Variants in LLGL2 observed in about 807,000 individuals in gnomAD.
LLGL2 encodes the protein LLGL2, scribble cell polarity complex component.
A neutral mutation model predicts 123.2 loss-of-function variants in LLGL2; 81 were observed. That is an observed-to-expected ratio of 0.66 (90% CI 0.55 to 0.79). The LOEUF is 0.79. Ranked by LOEUF, LLGL2 falls within the 30% of genes least tolerant of loss-of-function variation. The pLI is 0.00. For synonymous variants in LLGL2, 577 were observed against 594.1 expected (o/e 0.97, Z 0.42); for missense variants, 1,273 against 1,414.6 (o/e 0.90, Z 1.61).
rs1241937848 is a variant in LLGL2 at position 75,549,034 on chromosome 17, G to A, written c.75+5533G>A. On this transcript the variant is annotated intron_variant, in intron 2 of 25. Coordinates refer to ENST00000392550, the MANE Select transcript of LLGL2 (RefSeq NM_001031803.2). This position sits in a 1 kb window ranked among gnomAD's most constrained non-coding sequence, Gnocchi z 4.0. ...CTTGCACAGCTGGAGCTTATCCGGG[G>A]CAGGGGCACTGGCTGGGGTGAGGAT... Among the ~76,000 whole-genome samples, 1 of 152,178 alleles carries A rather than the reference G, an allele frequency of 6.6e-6. No homozygotes were observed. Among genetic ancestry groups the A allele is most frequent in the Non-Finnish European group, 1.5e-5 (1 of 68,034 alleles).
At chr17:75,554,961 G>A (rs1302976737) in intron 2 of LLGL2, among the ~76,000 whole-genome samples, 1 of 151,140 alleles carries the variant, frequency 6.6e-6, no homozygotes, top group African/African-American at 2.4e-5. Flanking sequence ...GGAGGCTGAG[G>A]TGGACAGATC....
intron 6 of LLGL2, among the ~76,000 whole-genome samples, chr17:75,560,821 A>C (rs1023797010): frequency 9.0e-5 from 10 of 110,988 alleles, no homozygotes; most frequent in African/African-American, 3.5e-4. Flanking sequence ...AAAAAAAAAA[A>C]AAAAAAAAAA....
At chr17:75,538,215 G>A (rs977835896) in intron 1 of LLGL2, among the ~76,000 whole-genome samples, 65 of 152,180 alleles carry the variant, frequency 4.3e-4, no homozygotes, top group Admixed American at 3.7e-3. Context: ...AGATGGAGCA[G>A]CCAACAGGGC....
At chr17:75,567,104 G>A (rs1235331057) in intron 10 of LLGL2, among the ~76,000 whole-genome samples, 1 of 152,170 alleles carries the variant, frequency 6.6e-6, no homozygotes, top group Admixed American at 6.5e-5. Context: ...TGGGGATCTG[G>A]CAAAGAACAC....
At position 75,571,024 on chromosome 17, in the gene LLGL2, C is replaced by G. The variant is rs377414113; in HGVS notation, c.2100C>G (p.Ile700Met). The change falls in exon 17 of 26, where the codon ATC (isoleucine) becomes ATG (methionine). Residue 700 changes from isoleucine (I) to methionine (M), a missense_variant. Ile to Met is a conservative substitution (Grantham distance 10). Coordinates refer to ENST00000392550, the MANE Select transcript of LLGL2 (RefSeq NM_001031803.2). Reference protein sequence around the residue: ...NMELAPVQRKIEARSAEDSFT... With the variant: ...NMELAPVQRKMEARSAEDSFT... Reference sequence around the variant, plus strand: ...AGCTGGCGCCTGTGCAGCGCAAGATCGAGGCTCGCTCGGCAGAGGACTCCT... The same window carrying G: ...AGCTGGCGCCTGTGCAGCGCAAGATGGAGGCTCGCTCGGCAGAGGACTCCT... 1 of 1,612,864 alleles carries G rather than the reference C, an allele frequency of 6.2e-7. No individual in the cohort carries two copies. The highest frequency in any genetic ancestry group is 8.5e-7 in the Non-Finnish European group (1 of 1,179,954).
At chr17:75,535,791 C>G (rs1302622147) in intron 1 of LLGL2, among the ~76,000 whole-genome samples, 1 of 152,182 alleles carries the variant, frequency 6.6e-6, no homozygotes, top group Non-Finnish European at 1.5e-5. Context: ...GATTTTGTGG[C>G]CTGTCACCAA....
intron 3 of LLGL2, among the ~76,000 whole-genome samples, chr17:75,557,152 T>C (rs2054952297): frequency 6.6e-6 from 1 of 151,214 alleles, no homozygotes; most frequent in Non-Finnish European, 1.5e-5. Flanking sequence ...ATGCTAGGGT[T>C]ACAGGCATGA....
chr17:75,528,983 C>T (rs748742183), intron 1 of LLGL2, among the ~76,000 whole-genome samples: 3 of 151,536 alleles, frequency 2.0e-5, no homozygotes, highest in South Asian at 2.1e-4. Context: ...ACAGTGAAAC[C>T]GGTCTCTACT....
In LLGL2 at chr17:75,559,085, C is replaced by A; in HGVS notation, c.372-167C>A. On this transcript the variant is annotated intron_variant, in intron 5 of 25. Transcript: ENST00000392550. The surrounding 1 kb of genome is among the most constrained non-coding windows in gnomAD (Gnocchi z 4.6). ...CCTCCTAGCCCAGGCTCTCTGCCAT[C>A]TGTCTCCTGTCTTGGCAGAAAGTGA... 2.7e-6 allele frequency: 2 copies of A among 735,482 alleles called. No individual in the cohort carries two copies. Among genetic ancestry groups the A allele is most frequent in the Non-Finnish European group, 4.3e-6 (2 of 465,568 alleles). 45.6% of individuals were successfully genotyped at this position (735,482 alleles called of 1,614,324 possible). A position where few individuals can be genotyped will look rare whatever the true frequency, so the allele number is the denominator to read the frequency against.
chr17:75,556,197 T>G, intron 3 of LLGL2, 54 bp downstream of exon 3: 4 of 1,368,696 alleles, frequency 2.9e-6, no homozygotes, highest in Non-Finnish European at 4.1e-6. Context: ...TGGGTGAGAT[T>G]TGGGGAGGGA....
At chr17:75,540,399 T>C (rs2054162219) in intron 1 of LLGL2, among the ~76,000 whole-genome samples, 1 of 152,130 alleles carries the variant, frequency 6.6e-6, no homozygotes, top group Admixed American at 6.5e-5. Context: ...GGGGATACCA[T>C]GCCCACCCTG....
chr17:75,546,033 A>G (rs1271251327), intron 2 of LLGL2: 1 of 151,916 alleles, frequency 6.6e-6, no homozygotes, highest in East Asian at 1.9e-4. Context: ...ATGTTTCCTG[A>G]GGGGTAAAAT....
rs763257356 is a variant in LLGL2, at chr17:75,573,513, C to T, written c.2758C>T (p.Arg920Cys). Residue 920 changes from arginine (R) to cysteine (C), a missense_variant, in exon 21 of 26, where the codon CGC becomes TGC. Transcript: ENST00000392550. ...CCTGATCTCACCCTCGGAGTTTGAG[C>T]GCTTCTCTCTCTCCACCAAGTGGCT... ...FYLISPSEFE[R>C]FSLSTKWLVE... The T allele has an allele frequency of 6.8e-6, 11 of 1,612,608 alleles. No individual in the cohort carries two copies. The highest frequency in any genetic ancestry group is 2.2e-5 in the South Asian group (2 of 91,082).
rs139362844 is a variant in LLGL2 at position 75,563,372 on chromosome 17, C to T, written c.735C>T (p.Leu245=). The change falls in exon 8 of 26, where the codon CTC becomes CTT. Residue 245 remains leucine (L), a synonymous_variant. Coordinates refer to ENST00000392550, the MANE Select transcript of LLGL2 (RefSeq NM_001031803.2). ...NIWWQRDGRL[L]VSCHSDGSYC... The stretch of plus-strand genomic sequence containing the variant: ...GGTGGCAGCGGGACGGCCGCCTGCT[C>T]GTCAGCTGTCACTCTGACGGCAGCT... The T allele has an allele frequency of 3.7e-4, 601 of 1,612,864 alleles. 2 individuals are homozygous for T. The African/African-American group carries it at 7.0e-3, about 19-fold the overall frequency.
intron 15 of LLGL2, 35 bp downstream of exon 15, chr17:75,570,290 T>TG: frequency 1.3e-6 from 2 of 1,597,818 alleles, no homozygotes; most frequent in Non-Finnish European, 1.7e-6. Flanking sequence ...GGGCTGGGAG[T>TG]GGGGCCCGCG....
At position 75,525,779 on chromosome 17, in the gene LLGL2, G is replaced by A. The variant is rs2053539656; in HGVS notation, c.-77G>A. 6.6e-6 allele frequency: 1 copy of A among 151,040 alleles called. No individual in the cohort carries two copies. The highest frequency in any genetic ancestry group is 2.1e-4 in the South Asian group (1 of 4,816). 9.4% of individuals were successfully genotyped at this position (151,040 alleles called of 1,614,324 possible). A position where few individuals can be genotyped will look rare whatever the true frequency, so the allele number is the denominator to read the frequency against. On this transcript the variant is annotated 5_prime_UTR_variant, in exon 1 of 26. Coordinates refer to ENST00000392550, the MANE Select transcript of LLGL2 (RefSeq NM_001031803.2). The surrounding 1 kb of genome is among the most constrained non-coding windows in gnomAD (Gnocchi z 4.8). Reference sequence around the variant, plus strand: ...GGAGCGAGCGGGGCCGGCGGCGGGCGCCGAGGGACGCCGAGGCCTCGGGCG... The same window carrying A: ...GGAGCGAGCGGGGCCGGCGGCGGGCACCGAGGGACGCCGAGGCCTCGGGCG...
chr17:75,526,104 C>G (rs944852611), intron 1 of LLGL2, among the ~76,000 whole-genome samples: 1 of 152,202 alleles, frequency 6.6e-6, no homozygotes, highest in East Asian at 1.9e-4. Flanking sequence ...AGCAGGAGAA[C>G]AGGTGCCCCG....
At chr17:75,571,542 T>G in intron 17 of LLGL2, 125 bp from the exon 18 acceptor site, 1 of 717,720 alleles carries the variant, frequency 1.4e-6, no homozygotes, top group East Asian at 2.5e-5. Context: ...TGTTGGGGCC[T>G]GTGTGGTTGT....
In LLGL2 at chr17:75,564,973, C is replaced by G. The variant is rs2055384069; in HGVS notation, c.1036+466C>G. Among the ~76,000 whole-genome samples, 1 of 152,208 alleles carries G rather than the reference C, an allele frequency of 6.6e-6. No homozygotes were observed. Among genetic ancestry groups the G allele is most frequent in the Non-Finnish European group, 1.5e-5 (1 of 68,038 alleles). On this transcript the variant is annotated intron_variant, in intron 10 of 25. Coordinates refer to ENST00000392550, the MANE Select transcript of LLGL2 (RefSeq NM_001031803.2). This position sits in a 1 kb window ranked among gnomAD's most constrained non-coding sequence, Gnocchi z 4.9. ...GCAGTGTCATCAAGCCCTACAGCTC[C>G]TTTCTCTGCCTCCCTGCCACCCTCC...
Sources: gnomAD v4.1 joint callset for allele counts (sites outside exome capture counted in the v4.1 genomes callset) on GRCh38, gnomAD v4.1.1 for gene constraint, Gnocchi (gnomAD v3.1) non-coding constraint, MANE v1.5 for transcripts, NCBI Gene and HGNC (gene_info 2026-07-23, HGNC 2026-07-21) for gene names.